The following PRELID2 variants were observed in gnomAD, a reference collection of about 807,000 sequenced individuals.
The protein encoded by PRELID2 is PRELI domain-containing protein 2.
A neutral mutation model predicts 28.4 loss-of-function variants in PRELID2; 25 were observed. The observed-to-expected ratio is 0.88, with a 90% CI of 0.64 to 1.23. The LOEUF (loss-of-function observed/expected upper bound fraction) is 1.23, where lower values mean the gene tolerates loss of function less well. Ranked by LOEUF, PRELID2 falls within the 50% of genes most tolerant of loss-of-function variation. The probability of loss-of-function intolerance (pLI) is 0.00; values close to 1 mark genes in which losing one functional copy is unlikely to be tolerated. For synonymous variants in PRELID2, 76 were observed against 71.6 expected, an observed-to-expected ratio of 1.06 and a Z score of -0.31; for missense variants, 201 against 214.4, an observed-to-expected ratio of 0.94 and a Z score of 0.39.
chr5:145,774,522 T>C (rs542871727), intron 5 of PRELID2, among the ~76,000 whole-genome samples: 132 of 152,318 alleles, frequency 8.7e-4, no homozygotes, highest in African/African-American at 3.1e-3. Flanking sequence ...GCTACTGATT[T>C]ATATATGGAC....
chr5:145,603,285 G>A (rs1753425419), intron 1 of PRELID2, among the ~76,000 whole-genome samples: 2 of 146,352 alleles, frequency 1.4e-5, no homozygotes, highest in Admixed American at 1.3e-4. Context: ...TTAAATCAGA[G>A]CAGCTAGAAA....
chr5:145,354,781 T>C, the PRELID2 span, among the ~76,000 whole-genome samples: 1 of 152,172 alleles, frequency 6.6e-6, no homozygotes, highest in African/African-American at 2.4e-5. Flanking sequence ...AATGAAATAA[T>C]GAATCATCTT....
the PRELID2 span, among the ~76,000 whole-genome samples, chr5:145,409,332 G>T: frequency 6.6e-6 from 1 of 152,052 alleles, no homozygotes; most frequent in Non-Finnish European, 1.5e-5. Context: ...ACGTATTCAG[G>T]TAACAACTAG....
chr5:145,373,285 T>A, the PRELID2 span, among the ~76,000 whole-genome samples: 1 of 102,222 alleles, frequency 9.8e-6, no homozygotes, highest in Admixed American at 1.3e-4. Flanking sequence ...ATGATATATA[T>A]TACAACATAT....
the PRELID2 span, among the ~76,000 whole-genome samples, chr5:145,452,453 C>T: frequency 6.6e-5 from 10 of 152,138 alleles, no homozygotes; most frequent in African/African-American, 1.9e-4. Flanking sequence ...AGTATAACTT[C>T]TTATTTTTTG....
chr5:145,500,626 T>G (rs1334976694), intron 1 of PRELID2, among the ~76,000 whole-genome samples: 1 of 152,132 alleles, frequency 6.6e-6, no homozygotes, highest in Non-Finnish European at 1.5e-5. Context: ...AGGTTTTTGG[T>G]TGCAAGTAAC....
the PRELID2 span, among the ~76,000 whole-genome samples, chr5:145,356,051 T>C: frequency 6.6e-6 from 1 of 152,076 alleles, no homozygotes; most frequent in Non-Finnish European, 1.5e-5. Context: ...TTACTAAAAC[T>C]CTCCAAAGTT....
intron 5 of PRELID2, among the ~76,000 whole-genome samples, chr5:145,782,181 C>T (rs1751681442): frequency 6.6e-6 from 1 of 152,154 alleles, no homozygotes. Context: ...CATATGTACA[C>T]CCAGTGCTGA....
At position 145,733,353 on chromosome 5, in the gene PRELID2, A is replaced by C. The variant is rs558116626; in HGVS notation, n.70+31578T>G. On this transcript the variant is annotated intron_variant and non_coding_transcript_variant, in intron 1 of 2. Transcript: ENST00000510259. ...TCCATTCTCTAGCCTCAGAAACAAAAGGGATGGGAATGGATGTGGGTTGGA... is the reference window on the plus strand; with the variant it reads ...TCCATTCTCTAGCCTCAGAAACAAACGGGATGGGAATGGATGTGGGTTGGA... 5.9e-5 allele frequency among the ~76,000 whole-genome samples: 9 copies of C among 152,328 alleles called. No individual in the cohort carries two copies. In the East Asian group the frequency reaches 1.7e-3, roughly 29 times the overall value.
the PRELID2 span, among the ~76,000 whole-genome samples, chr5:145,250,054 T>G: frequency 6.6e-6 from 1 of 152,102 alleles, no homozygotes; most frequent in African/African-American, 2.4e-5. Flanking sequence ...CTTTTCTTTA[T>G]AGATCTAGAA....
chr5:145,788,291 C>T (rs1188521766), intron 5 of PRELID2, among the ~76,000 whole-genome samples: 3 of 152,220 alleles, frequency 2.0e-5, no homozygotes, highest in East Asian at 1.9e-4. Flanking sequence ...TAAAAGCTAA[C>T]TACATATTTT....
At chr5:145,706,781 C>T (rs1409150534) in intron 1 of PRELID2, among the ~76,000 whole-genome samples, 1 of 152,148 alleles carries the variant, frequency 6.6e-6, no homozygotes, top group Non-Finnish European at 1.5e-5. Flanking sequence ...TTCATGTTAC[C>T]TATGAAACAT....
the PRELID2 span, among the ~76,000 whole-genome samples, chr5:145,269,762 AC>A: frequency 1.3e-5 from 2 of 149,822 alleles, no homozygotes; most frequent in Non-Finnish European, 3.0e-5. Flanking sequence ...AGTGGGCAAA[AC>A]CTCCATGCTA....
chr5:145,412,512 A>G, the PRELID2 span, among the ~76,000 whole-genome samples: 1 of 152,178 alleles, frequency 6.6e-6, no homozygotes, highest in Non-Finnish European at 1.5e-5. Context: ...AAGTCATTTA[A>G]CAAGTCTCTA....
chr5:145,819,328 A>G (rs777894774), intron 3 of PRELID2: 6 of 1,258,786 alleles, frequency 4.8e-6, no homozygotes, highest in Non-Finnish European at 7.0e-6. Flanking sequence ...AAGGACTCCC[A>G]CTGAAAATCC....
At chr5:145,253,640 C>T in the PRELID2 span, among the ~76,000 whole-genome samples, 6 of 152,176 alleles carry the variant, frequency 3.9e-5, no homozygotes, top group South Asian at 1.0e-3. Flanking sequence ...AAATCTCCCT[C>T]TTTGCCTCTC....
intron 1 of PRELID2, among the ~76,000 whole-genome samples, chr5:145,615,427 C>T (rs531182039): frequency 4.4e-5 from 6 of 134,990 alleles, no homozygotes; most frequent in South Asian, 2.3e-4. Context: ...CTGGGGTTCA[C>T]GCCATTCTCC....
chr5:145,563,382 A>G (rs1427833221), intron 1 of PRELID2, among the ~76,000 whole-genome samples: 3 of 152,214 alleles, frequency 2.0e-5, no homozygotes, highest in African/African-American at 7.2e-5. Context: ...AACTGGAGCC[A>G]CTGCCCTTGG....
intron 1 of PRELID2, among the ~76,000 whole-genome samples, chr5:145,504,483 A>G (rs1403548829): frequency 6.6e-6 from 1 of 152,146 alleles, no homozygotes; most frequent in Admixed American, 6.5e-5. Context: ...TTTATCTTTC[A>G]TGTTCCAGAT....
Sources: allele counts gnomAD v4.1 joint callset (sites outside exome capture counted in the v4.1 genomes callset), GRCh38; gene constraint gnomAD v4.1.1; transcripts MANE v1.5; gene names NCBI Gene and HGNC (gene_info 2026-07-23, HGNC 2026-07-21).